The following RRM1 variants were observed in gnomAD, a reference collection of about 807,000 sequenced individuals.
RRM1 encodes the protein ribonucleotide reductase catalytic subunit M1.
RRM1 carries 19 observed loss-of-function variants against 101.5 expected under a neutral mutation model. That is an observed-to-expected ratio of 0.19 (90% confidence interval 0.13 to 0.27). The LOEUF (loss-of-function observed/expected upper bound fraction) is 0.27, where lower values mean the gene tolerates loss of function less well. RRM1 is among the 10% of genes least tolerant of loss of function. The pLI, the probability that RRM1 is intolerant of heterozygous loss-of-function variation, is 1.00. For missense variants in RRM1, 500 were observed against 962.9 expected, an observed-to-expected ratio of 0.52 and a Z score of 6.36; for synonymous variants, 298 against 323.4, an observed-to-expected ratio of 0.92 and a Z score of 0.84.
Position 4,119,836 on chromosome 11 carries a change from C to T in RRM1, c.793-9C>T, listed in dbSNP as rs1216815315. 1.3e-6 allele frequency: 2 copies of T among 1,562,618 alleles called. No homozygotes were observed. The highest frequency in any genetic ancestry group is 2.3e-5 in the South Asian group (2 of 88,302). On this transcript the variant is annotated splice_polypyrimidine_tract_variant and intron_variant, in intron 8 of 18. Transcript: ENST00000300738. ...CCCTCTGTCATTTCTATCATGGTCT[C>T]TCTTTTAGACTAATGGCAATTCCAA...
intron 1 of RRM1, among the ~76,000 whole-genome samples, chr11:4,100,713 T>C (rs1230969044): frequency 2.0e-5 from 3 of 152,250 alleles, no homozygotes; most frequent in African/African-American, 7.2e-5. Context: ...TAACGAGGTA[T>C]AGTTGTAACT....
intron 2 of RRM1, among the ~76,000 whole-genome samples, chr11:4,104,605 C>A (rs762254687): frequency 2.0e-5 from 3 of 152,004 alleles, no homozygotes; most frequent in African/African-American, 7.3e-5. Flanking sequence ...AATAATATAA[C>A]CTTGGGCAAG....
rs551564407 is a variant in RRM1, at chr11:4,095,818, T to C, written c.19+787T>C. Among the ~76,000 whole-genome samples, 11 of 152,308 alleles carry C rather than the reference T, an allele frequency of 7.2e-5. No homozygotes were observed. The South Asian group carries it at 2.3e-3, about 32-fold the overall frequency. Reference sequence around the variant, plus strand: ...TTTGTGAGATTGTAGGAGGAGACAGTCCCTGCCTTGGGAACAGGCTTCATC... The same window carrying C: ...TTTGTGAGATTGTAGGAGGAGACAGCCCCTGCCTTGGGAACAGGCTTCATC... On this transcript the variant is annotated intron_variant, in intron 1 of 18. Coordinates refer to ENST00000300738, the MANE Select transcript of RRM1 (RefSeq NM_001033.5).
Position 4,106,027 on chromosome 11 carries a change from C to G in RRM1, c.109-19C>G. 6.2e-7 allele frequency: 1 copy of G among 1,600,676 alleles called. No homozygotes were observed. The highest frequency in any genetic ancestry group is 8.5e-7 in the Non-Finnish European group (1 of 1,174,656). ...GTTTCTTGGGAAAGCTCAAGTAATT[C>G]TTGGTTTTATTTTTGTAGGCTCAGA... On this transcript the variant is annotated intron_variant, in intron 2 of 18. Coordinates refer to ENST00000300738, the MANE Select transcript of RRM1 (RefSeq NM_001033.5).
intron 7 of RRM1, among the ~76,000 whole-genome samples, chr11:4,112,730 T>A (rs987000296): frequency 6.6e-6 from 1 of 152,194 alleles, no homozygotes; most frequent in African/African-American, 2.4e-5. Context: ...AGGGGACTCT[T>A]ATAGCAGTTT....
chr11:4,120,947 A>G (rs2094580870), intron 9 of RRM1, among the ~76,000 whole-genome samples: 1 of 152,218 alleles, frequency 6.6e-6, no homozygotes, highest in Non-Finnish European at 1.5e-5. Flanking sequence ...TGAGCCCGGT[A>G]GGCAGGAGGT....
chr11:4,135,171 G>A lies in RRM1; in HGVS notation c.2091G>A (p.Glu697=). 1.2e-6 allele frequency: 2 copies of A among 1,613,856 alleles called. No individual in the cohort carries two copies. The highest frequency in any genetic ancestry group is 1.7e-6 in the Non-Finnish European group (2 of 1,179,832). The change falls in exon 18 of 19, where the codon GAG becomes GAA. Residue 697 remains glutamate, a synonymous_variant. Transcript: ENST00000300738. The part of the protein sequence containing the change: ...SQKTVLKMAA[E]RGAFIDQSQS... The stretch of plus-strand genomic sequence containing the variant: ...AAACTGTTCTCAAGATGGCAGCTGA[G>A]AGAGGTGCTTTCATTGATCAAAGCC...
chr11:4,096,589 CAT>C (rs1590707889), intron 1 of RRM1, among the ~76,000 whole-genome samples: 1 of 152,192 alleles, frequency 6.6e-6, no homozygotes, highest in South Asian at 2.1e-4. Context: ...AGCAAAATAA[CAT>C]AGTGCACTTT....
intron 2 of RRM1, among the ~76,000 whole-genome samples, chr11:4,104,354 G>A (rs1053932012): frequency 6.6e-6 from 1 of 152,180 alleles, no homozygotes. Context: ...ACACACGTAT[G>A]TGTCTTTTTT....
chr11:4,117,133 A>G (rs563918219), intron 7 of RRM1, among the ~76,000 whole-genome samples: 1 of 152,234 alleles, frequency 6.6e-6, no homozygotes, highest in Non-Finnish European at 1.5e-5. Context: ...TATATTTGAT[A>G]AAAATGAAAA....
rs371659538 is a variant in RRM1, at chr11:4,138,823, T to C, written c.*440T>C. ...ATGAGAAGTACTGATAGGACCTTTA[T>C]CTGGATATGGTCCTATAGGTTATTC... is the stretch of plus-strand genomic sequence containing the variant. On this transcript the variant is annotated 3_prime_UTR_variant, in exon 19 of 19. Transcript: ENST00000300738. 1.0e-5 allele frequency: 2 copies of C among 197,320 alleles called. No homozygotes were observed. The highest frequency in any genetic ancestry group is 4.6e-5 in the African/African-American group (2 of 43,456). 12.2% of individuals were successfully genotyped at this position (197,320 alleles called of 1,614,324 possible).
chr11:4,121,749 G>A lies in RRM1; in HGVS notation c.1022G>A (p.Arg341Gln). The A allele has an allele frequency of 1.9e-6, 3 of 1,610,642 alleles. No individual in the cohort carries two copies. The highest frequency in any genetic ancestry group is 2.5e-6 in the Non-Finnish European group (3 of 1,178,824). Residue 341 changes from arginine (R) to glutamine (Q), a missense_variant, in exon 10 of 19, where the codon CGA becomes CAA. Coordinates refer to ENST00000300738, the MANE Select transcript of RRM1 (RefSeq NM_001033.5). ...TGGATTCCGGATCTCTTCATGAAACGAGTGGAGACTAATCAGGTGAGAGAT... is the reference window on the plus strand; with the variant it reads ...TGGATTCCGGATCTCTTCATGAAACAAGTGGAGACTAATCAGGTGAGAGAT... The part of the protein sequence containing the change: ...ALWIPDLFMK[R>Q]VETNQDWSLM...
In RRM1 at chr11:4,129,096, A is replaced by G; in HGVS notation, c.1715A>G (p.Asn572Ser). The G allele has an allele frequency of 6.2e-7, 1 of 1,601,188 alleles. No homozygotes were observed. Among genetic ancestry groups the G allele is most frequent in the Non-Finnish European group, 8.5e-7 (1 of 1,171,428 alleles). The part of the protein sequence containing the change: ...SKGILQYDMW[N>S]VTPTDLWDWK... ...TAGATTCTTCAGTATGATATGTGGA[A>G]TGTTACTCCTACAGACCTATGGGAC... The change falls in exon 15 of 19, where the codon AAT becomes AGT. Residue 572 changes from asparagine to serine, a missense_variant. Asn to Ser is a conservative substitution (Grantham distance 46, BLOSUM62 1). This residue lies in a region of RRM1 where 106 missense variants were observed against 138.1 expected (regional missense o/e 0.77). Coordinates refer to ENST00000300738, the MANE Select transcript of RRM1 (RefSeq NM_001033.5).
At chr11:4,123,405 C>T (rs764067935) in intron 12 of RRM1, 21 bp downstream of exon 12, 1 of 1,576,980 alleles carries the variant, frequency 6.3e-7, no homozygotes, top group African/African-American at 1.4e-5. Flanking sequence ...AAAATTCTTC[C>T]TAGAGTACTA....
At chr11:4,130,086 ATTTTT>A (rs796657105) in intron 15 of RRM1, among the ~76,000 whole-genome samples, 16 of 99,442 alleles carry the variant, frequency 1.6e-4, no homozygotes, top group Middle Eastern at 5.8e-3. Flanking sequence ...ATATATATAT[ATTTTT>A]TTTTTTTTTT....
At chr11:4,133,980 A>ATTTTTTTTTTTT (rs34715101) in intron 17 of RRM1, among the ~76,000 whole-genome samples, 7 of 90,866 alleles carry the variant, frequency 7.7e-5, no homozygotes, top group African/African-American at 2.3e-4. Context: ...CCAGACATCA[A>ATTTTTTTTTTTT]TTTTTTTTTT....
intron 3 of RRM1, among the ~76,000 whole-genome samples, chr11:4,106,826 A>T (rs2094558909): frequency 6.6e-6 from 1 of 152,204 alleles, no homozygotes; most frequent in African/African-American, 2.4e-5. Flanking sequence ...GTATTTCTCC[A>T]TGCTGCCTAT....
intron 2 of RRM1, among the ~76,000 whole-genome samples, chr11:4,104,714 A>G (rs549695480): frequency 2.6e-5 from 4 of 152,298 alleles, no homozygotes; most frequent in African/African-American, 9.6e-5. Context: ...CAAAGTTGAT[A>G]ATTACTTATC....
intron 1 of RRM1, among the ~76,000 whole-genome samples, chr11:4,096,402 C>T (rs771021845): frequency 2.4e-4 from 37 of 152,212 alleles, no homozygotes; most frequent in Non-Finnish European, 4.8e-4. Flanking sequence ...AAATGTAGGA[C>T]ACGATGAATG....
Sources: allele counts gnomAD v4.1 joint callset (sites outside exome capture counted in the v4.1 genomes callset), GRCh38; gene constraint gnomAD v4.1.1; regional missense constraint gnomAD v4.1.1; transcripts MANE v1.5; gene names NCBI Gene and HGNC (gene_info 2026-07-23, HGNC 2026-07-21).